Variants in FGF10 observed in about 807,000 individuals in gnomAD.
FGF10 encodes FGF-10.
In FGF10, 2 loss-of-function variants were observed where a neutral mutation model predicts 19.8. The ratio of observed to expected loss-of-function variants is 0.10; its 90% confidence interval spans 0.04 to 0.32. The LOEUF (loss-of-function observed/expected upper bound fraction) is 0.32. FGF10 is among the 10% of genes least tolerant of loss of function. The probability of loss-of-function intolerance (pLI) is 1.00; values close to 1 mark genes in which losing one functional copy is unlikely to be tolerated. For missense variants in FGF10, 191 were observed against 246.3 expected, an observed-to-expected ratio of 0.78 and a Z score of 1.50; for synonymous variants, 112 against 94.0, an observed-to-expected ratio of 1.19 and a Z score of -1.10.
At chr5:44,326,685 C>T (rs1740622512) in intron 1 of FGF10, among the ~76,000 whole-genome samples, 1 of 151,954 alleles carries the variant, frequency 6.6e-6, no homozygotes, top group South Asian at 2.1e-4. Flanking sequence ...TTGAGACCAC[C>T]CTTAGTTTAT....
In FGF10 at chr5:44,311,781, G is replaced by T. The variant is rs373188531; in HGVS notation, c.326-1251C>A. On this transcript the variant is annotated intron_variant, in intron 1 of 2. Transcript: ENST00000264664. ...GCTTAATACATGAAATCTGAAAGTT[G>T]AGCATATTATCATTTGTCATGTATC... 1.0e-3 allele frequency among the ~76,000 whole-genome samples: 155 copies of T among 152,156 alleles called. 3 individuals are homozygous for T. The highest frequency in any genetic ancestry group is 3.5e-3 in the African/African-American group (147 of 41,542).
chr5:44,383,576 T>G (rs760648206), intron 1 of FGF10, among the ~76,000 whole-genome samples: 2 of 152,108 alleles, frequency 1.3e-5, no homozygotes, highest in African/African-American at 2.4e-5. Flanking sequence ...AGGTTTCTCC[T>G]CGTAGGAGGT....
intron 1 of FGF10, among the ~76,000 whole-genome samples, chr5:44,369,492 T>G (rs1015123570): frequency 1.3e-5 from 2 of 152,080 alleles, no homozygotes; most frequent in Non-Finnish European, 2.9e-5. Context: ...AGGGAAGAGC[T>G]CTCAATCCCT....
At position 44,304,936 on chromosome 5, in the gene FGF10, T is replaced by C. The variant is rs943741700; in HGVS notation, c.*59A>G. 1.4e-6 allele frequency: 2 copies of C among 1,461,048 alleles called. No individual in the cohort carries two copies. The highest frequency in any genetic ancestry group is 2.3e-5 in the East Asian group (1 of 44,154). The allele number at this position is 1,461,048 out of a possible 1,614,324, so 90.5% of individuals were successfully genotyped here. ...CAATCTACTGTCTTCATGAAGAATATCCACTATTCTTGGCAAAAGAGCCAT... is the reference window on the plus strand; with the variant it reads ...CAATCTACTGTCTTCATGAAGAATACCCACTATTCTTGGCAAAAGAGCCAT... On this transcript the variant is annotated 3_prime_UTR_variant, in exon 3 of 3. Coordinates refer to ENST00000264664, the MANE Select transcript of FGF10 (RefSeq NM_004465.2).
intron 1 of FGF10, among the ~76,000 whole-genome samples, chr5:44,334,032 C>T (rs1484400259): frequency 1.3e-5 from 2 of 151,980 alleles, no homozygotes; most frequent in African/African-American, 2.4e-5. Flanking sequence ...CAAATGGTCA[C>T]GTGGGGCAAA....
chr5:44,335,952 T>A (rs1457568399), intron 1 of FGF10, among the ~76,000 whole-genome samples: 3 of 152,068 alleles, frequency 2.0e-5, no homozygotes, highest in Admixed American at 6.6e-5. Context: ...TGGATTCAAA[T>A]GTTTGACCAA....
chr5:44,332,194 C>T (rs890884200), intron 1 of FGF10, among the ~76,000 whole-genome samples: 2 of 152,034 alleles, frequency 1.3e-5, no homozygotes, highest in African/African-American at 2.4e-5. Context: ...TTTGGATTGG[C>T]AAGTTGGAAG....
At chr5:44,306,076 A>G (rs1036300523) in intron 2 of FGF10, among the ~76,000 whole-genome samples, 1 of 152,148 alleles carries the variant, frequency 6.6e-6, no homozygotes, top group Non-Finnish European at 1.5e-5. Flanking sequence ...AATAACAAAG[A>G]GGAAGTAGCT....
rs1463014206 is a variant in FGF10 at position 44,301,749 on chromosome 5, T to C, written c.*3246A>G. 6.6e-6 allele frequency among the ~76,000 whole-genome samples: 1 copy of C among 152,182 alleles called. No individual in the cohort carries two copies. Among genetic ancestry groups the C allele is most frequent in the Non-Finnish European group, 1.5e-5 (1 of 68,022 alleles). On this transcript the variant is annotated 3_prime_UTR_variant, in exon 3 of 3. Coordinates refer to ENST00000264664, the MANE Select transcript of FGF10 (RefSeq NM_004465.2). ...TAATTTTTTTTTCTGTTGTTGTTGT[T>C]TGGGGCTGTGGGGCATTTAACCACA...
intron 1 of FGF10, among the ~76,000 whole-genome samples, chr5:44,310,910 G>T (rs10462071): frequency 0.013 from 2,025 of 152,140 alleles, 89 homozygotes; most frequent in East Asian, 0.12. Context: ...GCCCATATCT[G>T]TACTATGGTA....
In FGF10 at chr5:44,300,265, T is replaced by TG. The variant is rs2111650057; in HGVS notation, c.*4729_*4730insC. 6.6e-6 allele frequency among the ~76,000 whole-genome samples: 1 copy of TG among 152,260 alleles called. No homozygotes were observed. The highest frequency in any genetic ancestry group is 2.1e-4 in the South Asian group (1 of 4,826). ...AAGCAGGTTTTTTTCTGTTTTTTTT[T>TG]TATTTTACACTTAAACAATGAATGA... On this transcript the variant is annotated 3_prime_UTR_variant, in exon 3 of 3. Transcript: ENST00000264664.
chr5:44,388,259 C>T, intron 1 of FGF10, 99 bp downstream of exon 1: 1 of 1,091,720 alleles, frequency 9.2e-7, no homozygotes, highest in South Asian at 1.3e-5. Context: ...GGGTTGGGGA[C>T]GTAAATATTT....
At chr5:44,354,586 C>T (rs983161759) in intron 1 of FGF10, among the ~76,000 whole-genome samples, 6 of 151,462 alleles carry the variant, frequency 4.0e-5, no homozygotes, top group African/African-American at 1.5e-4. Flanking sequence ...TGTAAGTAAA[C>T]TTTCTATCCT....
intron 1 of FGF10, among the ~76,000 whole-genome samples, chr5:44,314,171 G>A (rs1740279156): frequency 6.6e-6 from 1 of 151,948 alleles, no homozygotes; most frequent in South Asian, 2.1e-4. Flanking sequence ...AAAACAGTAT[G>A]GTGTTTTCAA....
chr5:44,373,803 C>T (rs1176052311), intron 1 of FGF10, among the ~76,000 whole-genome samples: 1 of 152,148 alleles, frequency 6.6e-6, no homozygotes, highest in African/African-American at 2.4e-5. Flanking sequence ...ATATTTCTAA[C>T]AGAAGTCTGT....
At chr5:44,375,430 C>T (rs1414492953) in intron 1 of FGF10, among the ~76,000 whole-genome samples, 1 of 152,082 alleles carries the variant, frequency 6.6e-6, no homozygotes, top group East Asian at 1.9e-4. Context: ...CCAGGCCGAC[C>T]TAGCAGTGTC....
At chr5:44,386,014 T>C (rs1381410180) in intron 1 of FGF10, among the ~76,000 whole-genome samples, 2 of 152,186 alleles carry the variant, frequency 1.3e-5, no homozygotes, top group Non-Finnish European at 2.9e-5. Context: ...CATTACCATA[T>C]AAGATATTTA....
At chr5:44,325,573 A>G (rs1740596437) in intron 1 of FGF10, among the ~76,000 whole-genome samples, 1 of 152,204 alleles carries the variant, frequency 6.6e-6, no homozygotes, top group South Asian at 2.1e-4. Flanking sequence ...TGATGAGTTC[A>G]TGTCCTTTGT....
intron 1 of FGF10, among the ~76,000 whole-genome samples, chr5:44,311,439 T>TA (rs1262335626): frequency 2.0e-5 from 3 of 152,062 alleles, no homozygotes; most frequent in African/African-American, 7.2e-5. Flanking sequence ...GCATCGTGAT[T>TA]AGCATGTGGC....
Sources: gnomAD v4.1 joint callset for allele counts (sites outside exome capture counted in the v4.1 genomes callset) on GRCh38, gnomAD v4.1.1 for gene constraint, MANE v1.5 for transcripts, NCBI Gene and HGNC (gene_info 2026-07-23, HGNC 2026-07-21) for gene names.